The following CDC42 variants were observed in gnomAD, a reference collection of about 807,000 sequenced individuals.
CDC42 encodes cell division control protein 42 homolog.
In CDC42, 1 loss-of-function variant was observed where a neutral mutation model predicts 20.8. That is an observed-to-expected ratio of 0.05 (90% CI 0.02 to 0.23). CDC42 has a LOEUF of 0.23. Ranked by LOEUF, CDC42 falls within the 10% of genes least tolerant of loss-of-function variation. The pLI, the probability that CDC42 is intolerant of heterozygous loss-of-function variation, is 1.00. For missense variants in CDC42, 49 were observed against 227.9 expected, an observed-to-expected ratio of 0.21 and a Z score of 5.05; for synonymous variants, 72 against 84.8, an observed-to-expected ratio of 0.85 and a Z score of 0.83.
intron 1 of CDC42, among the ~76,000 whole-genome samples, chr1:22,060,245 C>T (rs539230146): frequency 4.0e-4 from 60 of 151,872 alleles, no homozygotes; most frequent in African/African-American, 1.4e-3. Context: ...GGCTGAGGCA[C>T]GAGAATCGCT....
At position 22,094,315 on chromosome 1, in the gene CDC42, T is replaced by TTTTA; in HGVS notation, c.*2798_*2799insTTTA. Among the ~76,000 whole-genome samples the TTTTA allele has an allele frequency of 9.2e-6, 1 of 109,078 alleles. No individual in the cohort carries two copies. The highest frequency in any genetic ancestry group is 1.8e-5 in the Non-Finnish European group (1 of 54,110). 71.6% of individuals were successfully genotyped at this position (109,078 alleles called of 152,430 possible). ...ATAGATTTTTTTTTTTTTTTTTTTT[T>TTTTA]GAGACGGAGTCTCGCTCTGTCGCCC... On this transcript the variant is annotated 3_prime_UTR_variant, in exon 6 of 6. Coordinates refer to ENST00000656825, the MANE Select transcript of CDC42 (RefSeq NM_001791.4).
intron 1 of CDC42, among the ~76,000 whole-genome samples, chr1:22,065,243 A>G (rs1645409774): frequency 6.6e-6 from 1 of 152,218 alleles, no homozygotes; most frequent in African/African-American, 2.4e-5. Context: ...TAGAGACTTG[A>G]GAAATACTTG....
At chr1:22,057,193 A>G (rs2152825930) in intron 1 of CDC42, among the ~76,000 whole-genome samples, 1 of 152,302 alleles carries the variant, frequency 6.6e-6, no homozygotes, top group East Asian at 1.9e-4. Context: ...CTGCAGTGTT[A>G]GGAAGATTGA....
At position 22,099,444 on chromosome 1, in the gene CDC42, A is replaced by G. The variant is rs1187366119; in HGVS notation, c.*7927A>G. On this transcript the variant is annotated 3_prime_UTR_variant, in exon 6 of 6. Coordinates refer to ENST00000656825, the MANE Select transcript of CDC42 (RefSeq NM_001791.4). ...CTCTGAGACATCATAATTGCTTGGT[A>G]TATGCAGCCAGAGTTGGAAATCCTA... is the stretch of plus-strand genomic sequence containing the variant. Among the ~76,000 whole-genome samples, 1 of 152,222 alleles carries G rather than the reference A, an allele frequency of 6.6e-6. No homozygotes were observed. Among genetic ancestry groups the G allele is most frequent in the Admixed American group, 6.5e-5 (1 of 15,284 alleles).
chr1:22,097,689 T>G lies in CDC42; in HGVS notation c.*6172T>G, dbSNP rs762806896. On this transcript the variant is annotated 3_prime_UTR_variant, in exon 6 of 6. Coordinates refer to ENST00000656825, the MANE Select transcript of CDC42 (RefSeq NM_001791.4). ...TAGAACTAGCTTGGAACAGAATGGG[T>G]AAACTTCTGTGAAGTTAGACACTTG... 6.6e-6 allele frequency among the ~76,000 whole-genome samples: 1 copy of G among 152,254 alleles called. No homozygotes were observed. The highest frequency in any genetic ancestry group is 2.4e-5 in the African/African-American group (1 of 41,470).
intron 3 of CDC42, among the ~76,000 whole-genome samples, chr1:22,083,882 TATAA>T (rs1482451389): frequency 6.6e-6 from 1 of 152,248 alleles, no homozygotes; most frequent in Admixed American, 6.5e-5. Context: ...TAGGGTTTCA[TATAA>T]ATGGAACCAT....
chr1:22,071,647 GA>G (rs1329902942), intron 1 of CDC42, among the ~76,000 whole-genome samples: 1 of 152,154 alleles, frequency 6.6e-6, no homozygotes, highest in African/African-American at 2.4e-5. Flanking sequence ...AAGTAGTTTT[GA>G]TTTTATTCTG....
rs1008414370 is a variant in CDC42 at position 22,094,979 on chromosome 1, A to C, written c.*3462A>C. Among the ~76,000 whole-genome samples, 4 of 152,160 alleles carry C rather than the reference A, an allele frequency of 2.6e-5. No homozygotes were observed. The highest frequency in any genetic ancestry group is 7.2e-5 in the African/African-American group (3 of 41,420). ...TGGTGCTGGGTGCTAAGAAACTCGC[A>C]AAACAAGGGCCCTGCTCAAGAAGGA... On this transcript the variant is annotated 3_prime_UTR_variant, in exon 6 of 6. Coordinates refer to ENST00000656825, the MANE Select transcript of CDC42 (RefSeq NM_001791.4).
At chr1:22,083,217 T>C (rs1645626968) in intron 3 of CDC42, among the ~76,000 whole-genome samples, 1 of 152,122 alleles carries the variant, frequency 6.6e-6, no homozygotes, top group Non-Finnish European at 1.5e-5. Flanking sequence ...GGTTGAAAAT[T>C]AGTATTTTCA....
intron 5 of CDC42, 117 bp downstream of exon 5, chr1:22,086,983 A>AT: frequency 2.5e-6 from 2 of 801,296 alleles, no homozygotes; most frequent in East Asian, 4.9e-5. Flanking sequence ...CAGCAAGAAT[A>AT]TGAACAGCTT....
At chr1:22,081,665 T>C (rs927299363) in intron 2 of CDC42, 57 bp from the exon 3 acceptor site, 2 of 1,038,632 alleles carry the variant, frequency 1.9e-6, no homozygotes, top group Non-Finnish European at 3.0e-6. Flanking sequence ...AGAGTTGTCC[T>C]GTCCCATTTT....
intron 5 of CDC42, among the ~76,000 whole-genome samples, chr1:22,087,185 T>C (rs1645669815): frequency 6.6e-6 from 1 of 152,186 alleles, no homozygotes; most frequent in Non-Finnish European, 1.5e-5. Flanking sequence ...GAATGATTTT[T>C]TTTTTTTCTA....
chr1:22,054,488 A>C (rs1645273647), intron 1 of CDC42, among the ~76,000 whole-genome samples: 1 of 152,146 alleles, frequency 6.6e-6, no homozygotes, highest in Non-Finnish European at 1.5e-5. Context: ...GGGTGTTTAC[A>C]TTCTAAATTT....
Position 22,095,701 on chromosome 1 carries a change from G to A in CDC42, c.*4184G>A, listed in dbSNP as rs750670579. Reference sequence around the variant, plus strand: ...ATGCCAACGGTAGCTTATTAAAACAGCATTTATTTTTCTCATTCATGGGTC... The same window carrying A: ...ATGCCAACGGTAGCTTATTAAAACAACATTTATTTTTCTCATTCATGGGTC... On this transcript the variant is annotated 3_prime_UTR_variant, in exon 6 of 6. Transcript: ENST00000656825. 5.9e-5 allele frequency among the ~76,000 whole-genome samples: 9 copies of A among 152,270 alleles called. No individual in the cohort carries two copies. Among genetic ancestry groups the A allele is most frequent in the Non-Finnish European group, 1.3e-4 (9 of 68,008 alleles).
chr1:22,078,418 TC>T lies in CDC42; in HGVS notation c.-50-10del. On this transcript the variant is annotated splice_polypyrimidine_tract_variant and intron_variant, in intron 1 of 5. Coordinates refer to ENST00000656825, the MANE Select transcript of CDC42 (RefSeq NM_001791.4). ...AGTATAAATAAACAAATGTCTTTAA[TC>T]TTTTTGCAGGTCATCATCAGATTTG... 2.4e-6 allele frequency: 3 copies of T among 1,265,766 alleles called. No individual in the cohort carries two copies. The Middle Eastern group carries it at 8.1e-4, about 342-fold the overall frequency. The allele number at this position is 1,265,766 out of a possible 1,614,324, so 78.4% of individuals were successfully genotyped here.
At chr1:22,076,382 C>T (rs1052627894) in intron 1 of CDC42, among the ~76,000 whole-genome samples, 16 of 152,020 alleles carry the variant, frequency 1.1e-4, no homozygotes, top group Middle Eastern at 3.4e-3. Context: ...CGCTTGAACC[C>T]GGGAGGCAGA....
In CDC42 at chr1:22,098,333, G is replaced by A. The variant is rs1386702171; in HGVS notation, c.*6816G>A. ...TCCTGGTTGGTGAACAATTAGATGG[G>A]AAGGCTGAAAAAAAAAATACTCCTG... On this transcript the variant is annotated 3_prime_UTR_variant, in exon 6 of 6. Coordinates refer to ENST00000656825, the MANE Select transcript of CDC42 (RefSeq NM_001791.4). 6.8e-6 allele frequency among the ~76,000 whole-genome samples: 1 copy of A among 147,248 alleles called. No individual in the cohort carries two copies. Among genetic ancestry groups the A allele is most frequent in the African/African-American group, 2.6e-5 (1 of 39,130 alleles).
chr1:22,083,972 G>C (rs754124523), intron 3 of CDC42, among the ~76,000 whole-genome samples: 1 of 152,134 alleles, frequency 6.6e-6, no homozygotes, highest in Non-Finnish European at 1.5e-5. Context: ...GTGTGTATTG[G>C]TAGTTGTTTC....
chr1:22,066,848 G>C (rs1482655613), intron 1 of CDC42, among the ~76,000 whole-genome samples: 1 of 152,200 alleles, frequency 6.6e-6, no homozygotes, highest in African/African-American at 2.4e-5. Flanking sequence ...CGGATCACCT[G>C]AGGTTGGGAG....
Sources: gnomAD v4.1 joint callset for allele counts (sites outside exome capture counted in the v4.1 genomes callset) on GRCh38, gnomAD v4.1.1 for gene constraint, MANE v1.5 for transcripts, NCBI Gene and HGNC (gene_info 2026-07-23, HGNC 2026-07-21) for gene names.